AGBL4: variants seen among roughly 807,000 people sequenced by gnomAD.
AGBL4 encodes cytosolic carboxypeptidase 6.
In AGBL4, 58 loss-of-function variants were observed where a neutral mutation model predicts 66.4. The ratio of observed to expected loss-of-function variants is 0.87; its 90% CI spans 0.71 to 1.09. The LOEUF is 1.09. Among genes scored for constraint, AGBL4 ranks in the 50% least tolerant of loss-of-function variants. AGBL4 has a pLI of 0.00. For synonymous variants in AGBL4, 234 were observed against 222.9 expected, an observed-to-expected ratio of 1.05 and a Z score of -0.44; for missense variants, 579 against 631.0, an observed-to-expected ratio of 0.92 and a Z score of 0.88.
At chr1:49,926,498 C>T (rs1165211571) in intron 1 of AGBL4, among the ~76,000 whole-genome samples, 2 of 152,172 alleles carry the variant, frequency 1.3e-5, no homozygotes, top group African/African-American at 4.8e-5. Flanking sequence ...CATCAAACAT[C>T]CACAACATTA....
Position 49,995,341 on chromosome 1 carries a change from C to T in AGBL4, c.34+28422G>A, listed in dbSNP as rs769992232. ...GTGAAAGTGAGACCAGCCTTTCAGG[C>T]TGCGTTGGAGCTGGATGAGGCCTGT... On this transcript the variant is annotated intron_variant, in intron 1 of 13. Transcript: ENST00000371839. The T allele has an allele frequency of 1.3e-5, 6 of 452,212 alleles. No homozygotes were observed. The East Asian group carries it at 3.5e-4, about 26-fold the overall frequency. The allele number at this position is 452,212 out of a possible 1,614,324, so 28.0% of individuals were successfully genotyped here. A position where few individuals can be genotyped will look rare whatever the true frequency, so the allele number is the denominator to read the frequency against.
Position 48,653,380 on chromosome 1 carries a change from C to G in AGBL4, c.796G>C (p.Ala266Pro). Reference protein sequence around the residue: ...VLREYLVFKIAPMLNPDGVYL... With the variant: ...VLREYLVFKIPPMLNPDGVYL... ...ACTCCATCAGGATTGAGCATTGGTG[C>G]GATCTTGAAGACCAGGTATTCCCGG... Residue 266 changes from alanine (A) to proline (P), a missense_variant, in exon 8 of 14, where the codon GCA becomes CCA. By Grantham distance (27) the Ala-to-Pro change is conservative. Transcript: ENST00000371839. The G allele has an allele frequency of 6.3e-7, 1 of 1,587,758 alleles. No homozygotes were observed. The highest frequency in any genetic ancestry group is 2.3e-5 in the East Asian group (1 of 43,872).
At chr1:49,979,431 G>A (rs1376988117) in intron 1 of AGBL4, among the ~76,000 whole-genome samples, 7 of 150,512 alleles carry the variant, frequency 4.7e-5, no homozygotes, top group South Asian at 4.2e-4. Context: ...ACTGCAGTCC[G>A]CAGTCCGGCC....
chr1:50,021,302 C>T (rs998484144), intron 1 of AGBL4, among the ~76,000 whole-genome samples: 1 of 152,172 alleles, frequency 6.6e-6, no homozygotes, highest in Non-Finnish European at 1.5e-5. Context: ...TCCCTCTAGG[C>T]AATTTCATCC....
At chr1:49,318,577 C>T (rs982362809) in intron 3 of AGBL4, among the ~76,000 whole-genome samples, 1 of 151,834 alleles carries the variant, frequency 6.6e-6, no homozygotes, top group Non-Finnish European at 1.5e-5. Flanking sequence ...TTAAAAGAAT[C>T]TAGTAAAAAA....
intron 1 of AGBL4, among the ~76,000 whole-genome samples, chr1:49,987,293 C>A (rs1659577981): frequency 6.6e-6 from 1 of 151,986 alleles, no homozygotes; most frequent in Non-Finnish European, 1.5e-5. Context: ...AAGAAACAAG[C>A]CTTCTAGCCA....
At chr1:49,679,715 T>C (rs1001498989) in intron 3 of AGBL4, among the ~76,000 whole-genome samples, 12 of 152,182 alleles carry the variant, frequency 7.9e-5, no homozygotes, top group African/African-American at 2.9e-4. Context: ...GAATTATTCA[T>C]AGTGTTTTTC....
intron 2 of AGBL4, among the ~76,000 whole-genome samples, chr1:49,710,913 A>C (rs1647615479): frequency 6.6e-6 from 1 of 151,900 alleles, no homozygotes; most frequent in South Asian, 2.1e-4. Context: ...AAAAATAAGC[A>C]AAAGATCTAA....
chr1:49,201,200 T>C lies in AGBL4; in HGVS notation c.377+44570A>G, dbSNP rs1189951575. Among the ~76,000 whole-genome samples, 3 of 152,202 alleles carry C rather than the reference T, an allele frequency of 2.0e-5. 1 individual carries two copies. The highest frequency in any genetic ancestry group is 1.9e-4 in the East Asian group (1 of 5,182). ...AACCTTTATCCCCTTCCCATTTTCC[T>C]TGGATCTGGAAGCACTCTGGGCAAC... On this transcript the variant is annotated intron_variant, in intron 4 of 13. Transcript: ENST00000371839.
chr1:49,078,479 C>T (rs1644750718), intron 4 of AGBL4, among the ~76,000 whole-genome samples: 1 of 152,088 alleles, frequency 6.6e-6, no homozygotes, highest in Non-Finnish European at 1.5e-5. Context: ...AATCTAGAAA[C>T]CTAGTAGTCA....
chr1:49,316,942 T>A (rs929173711), intron 3 of AGBL4, among the ~76,000 whole-genome samples: 2 of 151,856 alleles, frequency 1.3e-5, no homozygotes, highest in Non-Finnish European at 2.9e-5. Flanking sequence ...ATAAAAAAAA[T>A]TTAAGGATAT....
chr1:49,935,976 C>T (rs114578032), intron 1 of AGBL4, among the ~76,000 whole-genome samples: 4,353 of 152,258 alleles, frequency 0.029, 170 homozygotes, highest in African/African-American at 0.098. Context: ...AATGGAACAA[C>T]GCTGGAGGGA....
intron 4 of AGBL4, among the ~76,000 whole-genome samples, chr1:49,240,607 G>A (rs1052795438): frequency 6.9e-6 from 1 of 145,346 alleles, no homozygotes; most frequent in African/African-American, 2.6e-5. Flanking sequence ...CCTCCTTTGT[G>A]GGCCTCTTAT....
At chr1:48,952,023 TG>T (rs1657032499) in intron 5 of AGBL4, among the ~76,000 whole-genome samples, 1 of 152,244 alleles carries the variant, frequency 6.6e-6, no homozygotes, top group African/African-American at 2.4e-5. Context: ...AGCTAAGTTT[TG>T]TCTAATTTCA....
chr1:49,382,950 G>A (rs1644654476), intron 3 of AGBL4, among the ~76,000 whole-genome samples: 1 of 152,230 alleles, frequency 6.6e-6, no homozygotes, highest in East Asian at 1.9e-4. Flanking sequence ...ATCCAGCCTG[G>A]ACAACATAGC....
At chr1:48,607,290 A>G (rs1645167911) in intron 9 of AGBL4, among the ~76,000 whole-genome samples, 1 of 152,168 alleles carries the variant, frequency 6.6e-6, no homozygotes, top group African/African-American at 2.4e-5. Flanking sequence ...ACTGTGATAG[A>G]CAACGCAAAG....
intron 3 of AGBL4, among the ~76,000 whole-genome samples, chr1:49,261,324 GA>G (rs1464296278): frequency 6.6e-6 from 1 of 152,136 alleles, no homozygotes; most frequent in African/African-American, 2.4e-5. Flanking sequence ...TTAGGCAGGA[GA>G]AGGAAATAAA....
intron 3 of AGBL4, among the ~76,000 whole-genome samples, chr1:49,496,240 T>TCATTAGCAAACGATGGTACGGGTGGTAGC (rs1647548841): frequency 6.6e-6 from 1 of 152,054 alleles, no homozygotes. Context: ...TGGAGTCTTT[T>TCATTAGCAAACGATGGTACGGGTGGTAGC]TTTTCAATTA....
chr1:49,580,840 A>T (rs1047017488), intron 3 of AGBL4, among the ~76,000 whole-genome samples: 1 of 152,174 alleles, frequency 6.6e-6, no homozygotes, highest in Non-Finnish European at 1.5e-5. Flanking sequence ...AATATGCCAC[A>T]ATAAAGTCCT....
Sources: gnomAD v4.1 joint callset for allele counts (sites outside exome capture counted in the v4.1 genomes callset) on GRCh38, gnomAD v4.1.1 for gene constraint, MANE v1.5 for transcripts, NCBI Gene and HGNC (gene_info 2026-07-23, HGNC 2026-07-21) for gene names.